LBHD1: variants seen among roughly 807,000 people sequenced by gnomAD.
LBHD1 encodes the protein LBH domain containing 1, also known as LBH domain-containing protein 1.
LBHD1 carries 28 observed loss-of-function variants against 31.1 expected under a neutral mutation model. The ratio of observed to expected loss-of-function variants is 0.90; its 90% CI spans 0.67 to 1.24. LBHD1 has a LOEUF of 1.24. LBHD1 is among the 50% of genes most tolerant of loss of function. The pLI is 0.00. For synonymous variants in LBHD1, 105 were observed against 116.5 expected (o/e 0.90, Z 0.63); for missense variants, 350 against 323.0 (o/e 1.08, Z -0.64).
At chr11:62,667,049 T>C in intron 4 of LBHD1, 1 of 1,593,366 alleles carries the variant, frequency 6.3e-7, no homozygotes, top group Non-Finnish European at 8.5e-7. Flanking sequence ...AGGCTCTCAT[T>C]AAAGACATTT....
intron 4 of LBHD1, 144 bp downstream of exon 4, chr11:62,667,379 C>G (rs1371141892): frequency 1.2e-6 from 1 of 824,904 alleles, no homozygotes; most frequent in Non-Finnish European, 2.0e-6. Flanking sequence ...AATCAAAACC[C>G]CTGCGCTGAC....
At chr11:62,667,387 G>C (rs1399219584) in intron 4 of LBHD1, 136 bp downstream of exon 4, 1 of 882,056 alleles carries the variant, frequency 1.1e-6, no homozygotes, top group Non-Finnish European at 1.8e-6. Flanking sequence ...CCCCTGCGCT[G>C]ACTGACTTGT....
chr11:62,667,943 A>T, intron 3 of LBHD1, 196 bp from the exon 4 acceptor site: 1 of 543,558 alleles, frequency 1.8e-6, no homozygotes, highest in East Asian at 3.0e-5. Flanking sequence ...TGGCACAGGC[A>T]TGTAGTTCCA....
At position 62,669,909 on chromosome 11, in the gene LBHD1, G is replaced by A. The variant is rs1944908102; in HGVS notation, c.123C>T (p.Gly41=). ...GAATGTGCTGGTGACCTTCAACCTT[G>A]CCAATTTTTCCTCTGTCCCAGAGAG... is the stretch of plus-strand genomic sequence containing the variant. ...PNPLWDRGKI[G]KVEGHQHIQD... The change falls in exon 2 of 7, where the codon GGC becomes GGT. Residue 41 remains glycine (G), a synonymous_variant. Coordinates refer to ENST00000354588, the MANE Select transcript of LBHD1 (RefSeq NM_024099.5). 8 of 1,614,104 alleles carry A rather than the reference G, an allele frequency of 5.0e-6. No homozygotes were observed. The highest frequency in any genetic ancestry group is 1.3e-5 in the African/African-American group (1 of 74,936).
Position 62,671,976 on chromosome 11 carries a change from G to A in LBHD1, c.-423C>T. The stretch of plus-strand genomic sequence containing the variant: ...AGGAGATGCCACTGCAGGACCCAAG[G>A]AGCAGGGAGGAGGCGGCCAGGACCC... On this transcript the variant is annotated 5_prime_UTR_variant, in exon 1 of 7. Coordinates refer to ENST00000354588, the MANE Select transcript of LBHD1 (RefSeq NM_024099.5). 6.2e-7 allele frequency: 1 copy of A among 1,614,028 alleles called. No individual in the cohort carries two copies. The highest frequency in any genetic ancestry group is 8.5e-7 in the Non-Finnish European group (1 of 1,180,018).
At chr11:62,665,437 G>A (rs766064477) in intron 4 of LBHD1, 24 of 1,545,552 alleles carry the variant, frequency 1.6e-5, no homozygotes, top group Non-Finnish European at 2.0e-5. Context: ...TTTTCTTGGC[G>A]GGGATCGGGC....
rs530260695 is a variant in LBHD1 at position 62,669,905 on chromosome 11, C to A, written c.127G>T (p.Val43Phe). The change falls in exon 2 of 7, where the codon GTT becomes TTT. Residue 43 changes from valine (V) to phenylalanine (F), a missense_variant. Val to Phe is a conservative substitution (Grantham distance 50). Transcript: ENST00000354588. ...PLWDRGKIGK[V>F]EGHQHIQDFS... ...ACCTGAATGTGCTGGTGACCTTCAA[C>A]CTTGCCAATTTTTCCTCTGTCCCAG... 4.3e-6 allele frequency: 7 copies of A among 1,614,210 alleles called. No homozygotes were observed. In the African/African-American group the frequency reaches 8.0e-5, roughly 18 times the overall value.
intron 5 of LBHD1, 51 bp downstream of exon 5, chr11:62,664,798 G>A (rs1346305068): frequency 2.6e-6 from 4 of 1,547,612 alleles, no homozygotes; most frequent in South Asian, 2.4e-5. Flanking sequence ...TCTGCAGGGA[G>A]GAAGGAAGAC....
chr11:62,667,947 A>G, intron 3 of LBHD1, 200 bp from the exon 4 acceptor site: 1 of 536,832 alleles, frequency 1.9e-6, no homozygotes. Context: ...ACAGGCATGT[A>G]GTTCCAACTA....
intron 5 of LBHD1, among the ~76,000 whole-genome samples, chr11:62,664,584 G>GC (rs1365670847): frequency 6.6e-6 from 1 of 152,194 alleles, no homozygotes; most frequent in South Asian, 2.1e-4. Flanking sequence ...GCCCACCTCA[G>GC]CCCCCCAAAG....
chr11:62,664,938 C>T lies in LBHD1; in HGVS notation c.574G>A (p.Val192Ile). 1 of 1,608,826 alleles carries T rather than the reference C, an allele frequency of 6.2e-7. No homozygotes were observed. Among genetic ancestry groups the T allele is most frequent in the Non-Finnish European group, 8.5e-7 (1 of 1,177,954 alleles). ...GCCTCAGACGCCGCTCCCGATTCAA[C>T]ACCCGCCGGCGTTTGAACAGCTTCT... ...EEEAVQTPAG[V>I]ESGAASEAPG... The change falls in exon 5 of 7, where the codon GTT (valine) becomes ATT (isoleucine). Residue 192 changes from valine (V) to isoleucine (I), a missense_variant. By Grantham distance (29) the Val-to-Ile change is conservative. Transcript: ENST00000354588.
Position 62,667,951 on chromosome 11 carries a change from C to T in LBHD1, c.314-204G>A, listed in dbSNP as rs189862022. ...GGGATAGTGGCACAGGCATGTAGTT[C>T]CAACTACTCAGGAGGCTGAGCTGGG... On this transcript the variant is annotated intron_variant, in intron 3 of 6. Coordinates refer to ENST00000354588, the MANE Select transcript of LBHD1 (RefSeq NM_024099.5). 1.4e-3 allele frequency: 761 copies of T among 525,766 alleles called. 4 individuals carry two copies. Among genetic ancestry groups the T allele is most frequent in the Non-Finnish European group, 1.6e-3 (481 of 293,174 alleles). 32.6% of individuals were successfully genotyped at this position (525,766 alleles called of 1,614,324 possible). A position where few individuals can be genotyped will look rare whatever the true frequency, so the allele number is the denominator to read the frequency against.
intron 4 of LBHD1, chr11:62,666,887 G>A (rs1590850482): frequency 1.2e-6 from 2 of 1,614,152 alleles, no homozygotes; most frequent in East Asian, 4.5e-5. Flanking sequence ...ATGCTTGAGG[G>A]TTCTAAACCC....
At chr11:62,664,503 G>A (rs1565125137) in intron 5 of LBHD1, among the ~76,000 whole-genome samples, 1 of 151,682 alleles carries the variant, frequency 6.6e-6, no homozygotes, top group East Asian at 1.9e-4. Flanking sequence ...GCTAATTTTT[G>A]TATTTTTAGC....
intron 4 of LBHD1, chr11:62,665,703 C>G: frequency 6.8e-7 from 1 of 1,460,062 alleles, no homozygotes; most frequent in Non-Finnish European, 9.0e-7. Context: ...AAAGGCCGTT[C>G]CTACCATAGT....
At chr11:62,666,261 CATT>C (rs1565127096) in intron 4 of LBHD1, 1 of 900,070 alleles carries the variant, frequency 1.1e-6, no homozygotes. Context: ...AGTGAGCCAT[CATT>C]GTGCTACTGT....
rs1247096895 is a variant in LBHD1, at chr11:62,667,993, T to G, written c.314-246A>C. The G allele has an allele frequency of 7.4e-6, 3 of 406,344 alleles. No individual in the cohort carries two copies. In the Admixed American group the frequency reaches 1.2e-4, roughly 16 times the overall value. 25.2% of individuals were successfully genotyped at this position (406,344 alleles called of 1,614,324 possible). On this transcript the variant is annotated intron_variant, in intron 3 of 6. Transcript: ENST00000354588. ...TGAGCTGGGAGGACTGCTTGAACCC[T>G]GGGAGGTCAAAGCTGCAATGGGCCA...
In LBHD1 at chr11:62,666,754, C is replaced by T. The variant is rs749819388; in HGVS notation, c.538+769G>A. 4.6e-5 allele frequency: 74 copies of T among 1,614,046 alleles called. No homozygotes were observed. In the Admixed American group the frequency reaches 6.8e-4, roughly 15 times the overall value. ...CTGCCTCAAGCCTCCACTTCATGCA[C>T]GCCGATGCTCAGAACCTGGGGGCTG... is the stretch of plus-strand genomic sequence containing the variant. On this transcript the variant is annotated intron_variant, in intron 4 of 6. Transcript: ENST00000354588.
chr11:62,666,299 G>A, intron 4 of LBHD1: 1 of 1,278,828 alleles, frequency 7.8e-7, no homozygotes. Flanking sequence ...CACAGAGTGA[G>A]ACCCTGTCTC....
Sources: allele counts gnomAD v4.1 joint callset (sites outside exome capture counted in the v4.1 genomes callset), GRCh38; gene constraint gnomAD v4.1.1; transcripts MANE v1.5; gene names NCBI Gene and HGNC (gene_info 2026-07-23, HGNC 2026-07-21).